The following EYA1 variants were observed in gnomAD, a reference collection of about 807,000 sequenced individuals.
The protein encoded by EYA1 is EYA transcriptional coactivator and phosphatase 1.
EYA1 carries 16 observed loss-of-function variants against 82.0 expected under a neutral mutation model. That is an observed-to-expected ratio of 0.20 (90% CI 0.13 to 0.30). The LOEUF is 0.30. EYA1 is among the 10% of genes least tolerant of loss of function. The probability of loss-of-function intolerance (pLI) is 1.00; values close to 1 mark genes in which losing one functional copy is unlikely to be tolerated. For synonymous variants in EYA1, 261 were observed against 264.4 expected (o/e 0.99, Z 0.12); for missense variants, 633 against 730.7 (o/e 0.87, Z 1.54).
intron 2 of EYA1, among the ~76,000 whole-genome samples, chr8:71,398,394 CT>C (rs1829756476): frequency 6.6e-6 from 1 of 152,178 alleles, no homozygotes; most frequent in South Asian, 2.1e-4. Flanking sequence ...GAATTTTCAG[CT>C]TTTCTGCTCT....
At chr8:71,477,770 C>T (rs185191388) in intron 2 of EYA1, among the ~76,000 whole-genome samples, 42 of 152,218 alleles carry the variant, frequency 2.8e-4, no homozygotes, top group Admixed American at 2.6e-3. Flanking sequence ...ACAACATTTA[C>T]ACAAAGACTT....
chr8:71,310,180 C>G (rs2129014320), intron 7 of EYA1, among the ~76,000 whole-genome samples: 1 of 152,310 alleles, frequency 6.6e-6, no homozygotes, highest in Non-Finnish European at 1.5e-5. Context: ...CCAACCAGCT[C>G]TATCTACGAG....
chr8:71,360,994 T>C (rs1244193650), intron 1 of EYA1, among the ~76,000 whole-genome samples: 3 of 152,220 alleles, frequency 2.0e-5, no homozygotes, highest in Non-Finnish European at 4.4e-5. Context: ...AGATCTTGTT[T>C]TAAACTTCAA....
At chr8:71,264,523 G>A (rs535238733) in intron 11 of EYA1, among the ~76,000 whole-genome samples, 2 of 151,894 alleles carry the variant, frequency 1.3e-5, no homozygotes, top group Admixed American at 6.6e-5. Flanking sequence ...TCTTACTATC[G>A]GTTGTTGCCA....
At chr8:71,381,632 G>C (rs1828707593) in intron 2 of EYA1, among the ~76,000 whole-genome samples, 1 of 152,206 alleles carries the variant, frequency 6.6e-6, no homozygotes, top group African/African-American at 2.4e-5. Flanking sequence ...CATCCTTACA[G>C]TATGAGCCAA....
intron 4 of EYA1, among the ~76,000 whole-genome samples, chr8:71,329,376 T>C (rs1224176095): frequency 6.6e-6 from 1 of 152,230 alleles, no homozygotes; most frequent in African/African-American, 2.4e-5. Context: ...GGCAAACCCT[T>C]GACCCTGGAT....
chr8:71,399,764 C>CATTGAA (rs1829845609), intron 2 of EYA1, among the ~76,000 whole-genome samples: 3 of 152,138 alleles, frequency 2.0e-5, no homozygotes, highest in Admixed American at 2.0e-4. Context: ...ACTAAACTAC[C>CATTGAA]ATTGAAATGC....
intron 2 of EYA1, among the ~76,000 whole-genome samples, chr8:71,519,167 A>G (rs554118854): frequency 6.6e-6 from 1 of 152,290 alleles, no homozygotes; most frequent in South Asian, 2.1e-4. Flanking sequence ...ATCTCTTCTG[A>G]GTTGGAAGAC....
chr8:71,394,982 T>C (rs1302411816), intron 2 of EYA1, among the ~76,000 whole-genome samples: 1 of 152,192 alleles, frequency 6.6e-6, no homozygotes, highest in Non-Finnish European at 1.5e-5. Flanking sequence ...CAGTGGTTTG[T>C]AGTTCTCCTT....
chr8:71,230,334 C>T (rs1229890586), intron 12 of EYA1, among the ~76,000 whole-genome samples: 1 of 152,166 alleles, frequency 6.6e-6, no homozygotes, highest in Non-Finnish European at 1.5e-5. Context: ...AAACCAAAAG[C>T]CTGTCATAGG....
In EYA1 at chr8:71,401,385, C is replaced by T. The variant is rs138362907; in HGVS notation, c.34-44874G>A. Among the ~76,000 whole-genome samples the T allele has an allele frequency of 1.4e-3, 219 of 152,298 alleles. 1 individual carries two copies. Among genetic ancestry groups the T allele is most frequent in the African/African-American group, 5.0e-3 (206 of 41,558 alleles). ...TTTATTCTTTCATTTTCTTTAACTT[C>T]GGTCTTTATTAATCACTATCATCCC... On this transcript the variant is annotated intron_variant, in intron 2 of 18. Coordinates refer to the EYA1 transcript ENST00000643681.
At chr8:71,444,205 G>A (rs977355461) in intron 2 of EYA1, among the ~76,000 whole-genome samples, 5 of 152,122 alleles carry the variant, frequency 3.3e-5, no homozygotes, top group African/African-American at 7.2e-5. Context: ...TCTCAAAGCC[G>A]GAAAACAAGA....
chr8:71,312,731 T>G (rs796979523), intron 7 of EYA1, among the ~76,000 whole-genome samples: 28 of 152,264 alleles, frequency 1.8e-4, no homozygotes, highest in African/African-American at 5.3e-4. Context: ...AGCCATAGGT[T>G]CTTATCTTTT....
chr8:71,217,044 T>C, intron 12 of EYA1, 21 bp from the exon 13 acceptor site: 5 of 1,585,384 alleles, frequency 3.2e-6, no homozygotes, highest in Non-Finnish European at 4.3e-6. Flanking sequence ...ATTAAAATGA[T>C]ACATGTCAAT....
At chr8:71,412,123 A>G (rs375646278) in intron 2 of EYA1, among the ~76,000 whole-genome samples, 2 of 143,408 alleles carry the variant, frequency 1.4e-5, no homozygotes, top group East Asian at 2.1e-4. Flanking sequence ...GTAAACTATC[A>G]CAAGAACAAA....
chr8:71,535,830 G>A, exon 2 of EYA1: 1 of 1,225,648 alleles, frequency 8.2e-7, no homozygotes, highest in South Asian at 1.5e-5. Context: ...TTCTTCAAAG[G>A]GTTCCAACAC....
chr8:71,477,507 G>A (rs2129207885), intron 2 of EYA1, among the ~76,000 whole-genome samples: 1 of 151,850 alleles, frequency 6.6e-6, no homozygotes, highest in South Asian at 2.1e-4. Context: ...AAACTGCAAC[G>A]AGATACCTAC....
chr8:71,201,490 T>C (rs566961402), intron 17 of EYA1, among the ~76,000 whole-genome samples: 3 of 152,270 alleles, frequency 2.0e-5, no homozygotes, highest in South Asian at 4.1e-4. Context: ...AGAAGATTCA[T>C]AGACCTGGGT....
chr8:71,516,432 C>T (rs931309043), intron 2 of EYA1, among the ~76,000 whole-genome samples: 8 of 152,028 alleles, frequency 5.3e-5, no homozygotes, highest in African/African-American at 1.9e-4. Context: ...ACATGGTTGG[C>T]CTTTGACTTC....
Sources: allele counts gnomAD v4.1 joint callset (sites outside exome capture counted in the v4.1 genomes callset), GRCh38; gene constraint gnomAD v4.1.1; transcripts MANE v1.5; gene names NCBI Gene and HGNC (gene_info 2026-07-23, HGNC 2026-07-21).